The following NEO1 variants were observed in gnomAD, a reference collection of about 807,000 sequenced individuals.
The protein encoded by NEO1 is neogenin.
Under a neutral mutation model 159.7 loss-of-function variants are expected in NEO1, and 63 were observed. That is an observed-to-expected ratio of 0.39 (90% CI 0.32 to 0.49). The LOEUF (loss-of-function observed/expected upper bound fraction) is 0.49, where lower values mean the gene tolerates loss of function less well. NEO1 is among the 20% of genes least tolerant of loss of function. NEO1 has a pLI of 0.85. For synonymous variants in NEO1, 633 were observed against 662.0 expected, an observed-to-expected ratio of 0.96 and a Z score of 0.67; for missense variants, 1,615 against 1,831.0, an observed-to-expected ratio of 0.88 and a Z score of 2.15.
chr15:73,184,185 C>T (rs913080294), intron 7 of NEO1, among the ~76,000 whole-genome samples: 1 of 151,852 alleles, frequency 6.6e-6, no homozygotes, highest in African/African-American at 2.4e-5. Context: ...GACGGAGTTT[C>T]ACTCTTGTCG....
At chr15:73,292,636 T>C (rs1472299380) in intron 25 of NEO1, among the ~76,000 whole-genome samples, 1 of 152,258 alleles carries the variant, frequency 6.6e-6, no homozygotes, top group African/African-American at 2.4e-5. Context: ...ATTCTTTAGC[T>C]AAACGCAGTT....
intron 1 of NEO1, among the ~76,000 whole-genome samples, chr15:73,080,748 G>C (rs988918977): frequency 3.9e-5 from 6 of 151,970 alleles, no homozygotes; most frequent in African/African-American, 1.5e-4. Context: ...GAGTGTCAGG[G>C]GTCATCTCTT....
At chr15:73,223,400 T>C (rs1283523941) in intron 7 of NEO1, among the ~76,000 whole-genome samples, 3 of 152,180 alleles carry the variant, frequency 2.0e-5, no homozygotes, top group Non-Finnish European at 2.9e-5. Flanking sequence ...CCCACTATTA[T>C]TTTGTTGCTG....
Position 73,298,678 on chromosome 15 carries a change from A to G in NEO1, c.4165+67A>G. 4 of 1,581,398 alleles carry G rather than the reference A, an allele frequency of 2.5e-6. No homozygotes were observed. In the South Asian group the frequency reaches 4.6e-5, roughly 18 times the overall value. ...AGTGACCCTTTGGCTCAAGCTTGGG[A>G]CAAAGCCACCCCTTCTTTGAAGTAT... On this transcript the variant is annotated intron_variant, in intron 27 of 28. Transcript: ENST00000261908.
At chr15:73,097,519 C>T (rs2070125725) in intron 1 of NEO1, among the ~76,000 whole-genome samples, 1 of 151,912 alleles carries the variant, frequency 6.6e-6, no homozygotes, top group South Asian at 2.1e-4. Context: ...CGCCACCATG[C>T]CTGGCTAATT....
chr15:73,221,521 T>G (rs1400595101), intron 7 of NEO1, among the ~76,000 whole-genome samples: 1 of 152,244 alleles, frequency 6.6e-6, no homozygotes, highest in African/African-American at 2.4e-5. Context: ...GTCTGTGCCC[T>G]GCCCCCAGAG....
At chr15:73,052,963 G>A (rs1166995275) in intron 1 of NEO1, among the ~76,000 whole-genome samples, 158 bp downstream of exon 1, 1 of 151,820 alleles carries the variant, frequency 6.6e-6, no homozygotes, top group Non-Finnish European at 1.5e-5. Context: ...CGCGTGGTGG[G>A]GAGGAGAAGG....
chr15:73,197,781 A>G (rs1246680859), intron 7 of NEO1, among the ~76,000 whole-genome samples: 2 of 151,394 alleles, frequency 1.3e-5, no homozygotes. Flanking sequence ...CCTGTGTTCA[A>G]GATATTCTCC....
chr15:73,253,806 C>G (rs1189176294), intron 12 of NEO1, among the ~76,000 whole-genome samples: 1 of 152,132 alleles, frequency 6.6e-6, no homozygotes, highest in Admixed American at 6.5e-5. Flanking sequence ...TGTTCAGAAC[C>G]TTAGTGGTAC....
intron 7 of NEO1, among the ~76,000 whole-genome samples, chr15:73,198,528 G>GTT (rs565391675): frequency 2.1e-5 from 3 of 143,960 alleles, no homozygotes; most frequent in Admixed American, 1.4e-4. Context: ...AAAGCTTTTG[G>GTT]TTTTTTTTTT....
Position 73,298,576 on chromosome 15 carries a change from C to G in NEO1, c.4130C>G (p.Pro1377Arg). The G allele has an allele frequency of 6.2e-7, 1 of 1,614,218 alleles. No homozygotes were observed. The highest frequency in any genetic ancestry group is 8.5e-7 in the Non-Finnish European group (1 of 1,180,032). ...CCTCCAGGACCTCCCACCTATGATC[C>G]TGCATTGCCAAGCACACCATTACTG... ...IPPPGPPTYD[P>R]ALPSTPLLSQ... The change falls in exon 27 of 29, where the codon CCT becomes CGT. Residue 1377 changes from proline to arginine, a missense_variant. By Grantham distance (103) the Pro-to-Arg change is moderately radical. This residue lies in a region of NEO1 where 471 missense variants were observed against 498.9 expected (regional missense o/e 0.94). Transcript: ENST00000261908.
intron 7 of NEO1, among the ~76,000 whole-genome samples, chr15:73,183,158 A>T (rs374368866): frequency 5.3e-5 from 8 of 152,100 alleles, no homozygotes; most frequent in African/African-American, 1.9e-4. Context: ...ACAGAAAGCC[A>T]TCTCTGTGGT....
At chr15:73,160,898 C>T (rs145578343) in intron 5 of NEO1, among the ~76,000 whole-genome samples, 3,674 of 152,190 alleles carry the variant, frequency 0.024, 100 homozygotes, top group Admixed American at 0.084. Flanking sequence ...GCTCATCTCC[C>T]CTTCTGGAGT....
chr15:73,185,520 T>A (rs2035870837), intron 7 of NEO1, among the ~76,000 whole-genome samples: 1 of 152,214 alleles, frequency 6.6e-6, no homozygotes, highest in Non-Finnish European at 1.5e-5. Flanking sequence ...GAACTCTTAT[T>A]CATTGTTGCT....
intron 5 of NEO1, among the ~76,000 whole-genome samples, chr15:73,138,956 G>T (rs964469802): frequency 2.0e-5 from 3 of 151,974 alleles, no homozygotes; most frequent in Non-Finnish European, 4.4e-5. Flanking sequence ...GCTGTGCATT[G>T]GTTGTCATAC....
At chr15:73,187,158 T>C (rs1567425942) in intron 7 of NEO1, among the ~76,000 whole-genome samples, 1 of 152,214 alleles carries the variant, frequency 6.6e-6, no homozygotes, top group East Asian at 1.9e-4. Context: ...CTCATGAAGA[T>C]AACAACTATT....
chr15:73,102,444 T>C (rs1291368772), intron 1 of NEO1, among the ~76,000 whole-genome samples: 4 of 152,194 alleles, frequency 2.6e-5, no homozygotes, highest in Non-Finnish European at 1.5e-5. Context: ...ACATTTTCCT[T>C]CTTCACTTTC....
chr15:73,216,135 A>C, intron 7 of NEO1, among the ~76,000 whole-genome samples: 1 of 127,294 alleles, frequency 7.9e-6, no homozygotes, highest in Non-Finnish European at 1.6e-5. Flanking sequence ...TCCTGTGTCC[A>C]TGTGTTCTCA....
intron 8 of NEO1, among the ~76,000 whole-genome samples, chr15:73,242,331 G>A (rs1355499756): frequency 6.6e-6 from 1 of 152,102 alleles, no homozygotes; most frequent in Non-Finnish European, 1.5e-5. Context: ...ATTATATACG[G>A]TATTCTTGCA....
Sources: gnomAD v4.1 joint callset for allele counts (sites outside exome capture counted in the v4.1 genomes callset) on GRCh38, gnomAD v4.1.1 for gene constraint, gnomAD v4.1.1 regional missense constraint, MANE v1.5 for transcripts, NCBI Gene and HGNC (gene_info 2026-07-23, HGNC 2026-07-21) for gene names.